LGALS3BP: variants seen among roughly 807,000 people sequenced by gnomAD.
LGALS3BP encodes the protein galectin 3 binding protein.
LGALS3BP carries 25 observed loss-of-function variants against 22.9 expected under a neutral mutation model. That is an observed-to-expected ratio of 1.09 (90% CI 0.80 to 1.53). The LOEUF (loss-of-function observed/expected upper bound fraction) is 1.53, where lower values mean the gene tolerates loss of function less well. Ranked by LOEUF, LGALS3BP falls within the 40% of genes most tolerant of loss-of-function variation. LGALS3BP has a pLI of 0.00. For synonymous variants in LGALS3BP, 335 were observed against 331.1 expected (o/e 1.01, Z -0.13); for missense variants, 718 against 752.0 (o/e 0.95, Z 0.53).
In LGALS3BP at chr17:78,976,119, GC is replaced by G. The variant is rs1166190483; in HGVS notation, c.89del (p.Gly30AlafsTer26). The G allele has an allele frequency of 8.2e-6, 13 of 1,594,048 alleles. No individual in the cohort carries two copies. In the Admixed American group the frequency reaches 2.3e-4, roughly 28 times the overall value. ...TCTCCACGCGGCCCTGGTTGGTGGC[GC>G]CCCCATCGGCCAGCCGCATGTCACC... Reference protein sequence around the residue: ...NDGDMRLADGGATNQGRVEIF... With the variant: ...NDGDMRLADGXATNQGRVEIF... On this transcript the variant is annotated frameshift_variant, in exon 3 of 6. Coordinates refer to ENST00000262776, the MANE Select transcript of LGALS3BP (RefSeq NM_005567.4). LOFTEE classifies it high-confidence loss of function. The surrounding 1 kb of genome is among the most constrained non-coding windows in gnomAD (Gnocchi z 4.6).
chr17:78,973,398 GC>G lies in LGALS3BP; in HGVS notation c.377-177del. 1 of 752,792 alleles carries G rather than the reference GC, an allele frequency of 1.3e-6. No individual in the cohort carries two copies. The highest frequency in any genetic ancestry group is 2.1e-6 in the Non-Finnish European group (1 of 485,152). 46.6% of individuals were successfully genotyped at this position (752,792 alleles called of 1,614,324 possible). A position where few individuals can be genotyped will look rare whatever the true frequency, so the allele number is the denominator to read the frequency against. ...AAGTGTCGGATTCCTGGACCCTGAG[GC>G]CCCGCCCCTTCCAGCCCTGGGGAAC... On this transcript the variant is annotated intron_variant, in intron 4 of 5. Transcript: ENST00000262776. The surrounding 1 kb of genome is among the most constrained non-coding windows in gnomAD (Gnocchi z 5.8).
Position 78,971,555 on chromosome 17 carries a change from A to G in LGALS3BP, c.*21T>C, listed in dbSNP as rs2070669838. 1.3e-6 allele frequency: 2 copies of G among 1,597,690 alleles called. No individual in the cohort carries two copies. The highest frequency in any genetic ancestry group is 1.7e-6 in the Non-Finnish European group (2 of 1,170,146). ...GGCGTCCTGGGGTTCTCCGGTTCTCACCACCCTTGGGCCACGCCGTCTAGT... is the reference window on the plus strand; with the variant it reads ...GGCGTCCTGGGGTTCTCCGGTTCTCGCCACCCTTGGGCCACGCCGTCTAGT... On this transcript the variant is annotated 3_prime_UTR_variant, in exon 6 of 6. Transcript: ENST00000262776. This position sits in a 1 kb window ranked among gnomAD's most constrained non-coding sequence, Gnocchi z 5.6.
At position 78,972,472 on chromosome 17, in the gene LGALS3BP, C is replaced by T. The variant is rs370838910; in HGVS notation, c.862G>A (p.Glu288Lys). The T allele has an allele frequency of 2.7e-5, 43 of 1,613,274 alleles. No homozygotes were observed. The South Asian group carries it at 3.0e-4, about 11-fold the overall frequency. ...CAGGCCTCGGCCTGCGTCAAGGCCT[C>T]GAAGTTCCAGGCCAGGAACTGTAGG... ...LCLQFLAWNF[E>K]ALTQAEAWPS... Residue 288 changes from glutamate (E) to lysine (K), a missense_variant, in exon 6 of 6, where the codon GAG becomes AAG. Transcript: ENST00000262776. This position sits in a 1 kb window ranked among gnomAD's most constrained non-coding sequence, Gnocchi z 5.1.
rs201507017 is a variant in LGALS3BP at position 78,977,175 on chromosome 17, A to C, written c.17T>G (p.Leu6Arg). 1.9e-6 allele frequency: 3 copies of C among 1,613,302 alleles called. No individual in the cohort carries two copies. The highest frequency in any genetic ancestry group is 2.5e-6 in the Non-Finnish European group (3 of 1,180,006). The change falls in exon 2 of 6, where the codon CTC becomes CGC. Residue 6 changes from leucine (L) to arginine (R), a missense_variant. By Grantham distance (102) the Leu-to-Arg change is moderately radical. Coordinates refer to ENST00000262776, the MANE Select transcript of LGALS3BP (RefSeq NM_005567.4). MTPPR[L>R]FWVWLLVAGT... Reference sequence around the variant, plus strand: ...TGCAACCAGCAGCCACACCCAGAAGAGCCTCGGAGGGGTCATGGCCGTGCC... The same window carrying C: ...TGCAACCAGCAGCCACACCCAGAAGCGCCTCGGAGGGGTCATGGCCGTGCC...
rs1385445745 is a variant in LGALS3BP, at chr17:78,972,124, A to G, written c.1210T>C (p.Tyr404His). The G allele has an allele frequency of 5.0e-6, 8 of 1,613,284 alleles. No individual in the cohort carries two copies. Among genetic ancestry groups the G allele is most frequent in the Non-Finnish European group, 6.8e-6 (8 of 1,179,440 alleles). ...GGCGAGGTGTAAATCCGGGGCTTGTAGGTATCCTCGGTGAGGTTCAGGCCT... is the reference window on the plus strand; with the variant it reads ...GGCGAGGTGTAAATCCGGGGCTTGTGGGTATCCTCGGTGAGGTTCAGGCCT... ...YKGLNLTEDT[Y>H]KPRIYTSPTW... The change falls in exon 6 of 6, where the codon TAC becomes CAC. Residue 404 changes from tyrosine (Y) to histidine (H), a missense_variant. Physicochemically the swap from Tyr to His is moderately conservative, Grantham distance 83 (BLOSUM62 2). Transcript: ENST00000262776. This position sits in a 1 kb window ranked among gnomAD's most constrained non-coding sequence, Gnocchi z 5.1.
intron 1 of LGALS3BP, among the ~76,000 whole-genome samples, chr17:78,978,365 C>T (rs1348531141): frequency 1.3e-5 from 2 of 152,212 alleles, no homozygotes; most frequent in Non-Finnish European, 2.9e-5. Context: ...TGCAGCCACC[C>T]CTTGTCGGGG....
Position 78,973,028 on chromosome 17 carries a change from T to C in LGALS3BP, c.571A>G (p.Ser191Gly). ...EAQALWKEPGSNVTMSVDAEC... is the reference protein window; with the variant it reads ...EAQALWKEPGGNVTMSVDAEC... Reference sequence around the variant, plus strand: ...GCATCCACACTCATGGTGACATTGCTGCCCGGCTCCTTCCACAGGGCCTGG... The same window carrying C: ...GCATCCACACTCATGGTGACATTGCCGCCCGGCTCCTTCCACAGGGCCTGG... Residue 191 changes from serine to glycine, a missense_variant, in exon 5 of 6, where the codon AGC becomes GGC. Ser to Gly is a moderately conservative substitution (Grantham distance 56). Transcript: ENST00000262776. This position sits in a 1 kb window ranked among gnomAD's most constrained non-coding sequence, Gnocchi z 5.8. The C allele has an allele frequency of 3.1e-6, 5 of 1,613,934 alleles. No homozygotes were observed. Among genetic ancestry groups the C allele is most frequent in the Non-Finnish European group, 4.2e-6 (5 of 1,179,992 alleles).
intron 3 of LGALS3BP, 119 bp downstream of exon 3, chr17:78,975,846 T>A (rs2070715513): frequency 2.3e-5 from 7 of 299,548 alleles, no homozygotes; most frequent in South Asian, 5.2e-5. Context: ...GCTAAATTAA[T>A]AGGAATCCAA....
chr17:78,973,153 C>G lies in LGALS3BP; in HGVS notation c.446G>C (p.Ser149Thr). 1 of 1,610,518 alleles carries G rather than the reference C, an allele frequency of 6.2e-7. No homozygotes were observed. The highest frequency in any genetic ancestry group is 1.1e-5 in the South Asian group (1 of 90,626). ...GATGGACAGGTCGCAGCCCCGCTGG[C>G]TGTCAAAGATCTGGCCAAGGGCCTC... ...LSEALGQIFD[S>T]QRGCDLSISV... The change falls in exon 5 of 6, where the codon AGC becomes ACC. Residue 149 changes from serine (S) to threonine (T), a missense_variant. Transcript: ENST00000262776. The surrounding 1 kb of genome is among the most constrained non-coding windows in gnomAD (Gnocchi z 5.8).
intron 2 of LGALS3BP, 38 bp downstream of exon 2, chr17:78,977,102 C>A (rs370896430): frequency 2.1e-4 from 340 of 1,610,670 alleles, no homozygotes; most frequent in Non-Finnish European, 2.6e-4. Context: ...CAGCCTTCCA[C>A]ACTTCTGCTT....
rs745877341 is a variant in LGALS3BP, at chr17:78,971,909, C to T, written c.1425G>A (p.Arg475=). The change falls in exon 6 of 6, where the codon AGG becomes AGA. Residue 475 remains arginine (R), a synonymous_variant. Coordinates refer to ENST00000262776, the MANE Select transcript of LGALS3BP (RefSeq NM_005567.4). The surrounding 1 kb of genome is among the most constrained non-coding windows in gnomAD (Gnocchi z 5.6). ...QHPSFLFQDK[R]VSWSLVYLPT... ...GGAGGTAGACCAGGGACCAGGACAC[C>T]CTCTTGTCCTGGAAGAGGAAGCTGG... 43 of 1,613,884 alleles carry T rather than the reference C, an allele frequency of 2.7e-5. No homozygotes were observed. The highest frequency in any genetic ancestry group is 3.5e-5 in the Non-Finnish European group (41 of 1,179,978).
At chr17:78,979,059 G>C (rs888366249) in intron 1 of LGALS3BP, among the ~76,000 whole-genome samples, 2 of 71,086 alleles carry the variant, frequency 2.8e-5, no homozygotes, top group Non-Finnish European at 5.9e-5. Context: ...GCAAGACTCT[G>C]TCTCAAAAAA....
intron 1 of LGALS3BP, chr17:78,977,501 G>A: frequency 2.8e-6 from 1 of 361,588 alleles, no homozygotes; most frequent in Non-Finnish European, 5.1e-6. Flanking sequence ...AAGAATTGGT[G>A]ACTAGAGGCA....
Position 78,972,659 on chromosome 17 carries a change from C to T in LGALS3BP, c.675G>A (p.Lys225=). 1 of 1,527,588 alleles carries T rather than the reference C, an allele frequency of 6.5e-7. No individual in the cohort carries two copies. The highest frequency in any genetic ancestry group is 8.8e-7 in the Non-Finnish European group (1 of 1,137,468). 94.6% of individuals were successfully genotyped at this position (1,527,588 alleles called of 1,614,324 possible). Residue 225 remains lysine (K), a synonymous_variant, in exon 6 of 6, where the codon AAG becomes AAA. Coordinates refer to ENST00000262776, the MANE Select transcript of LGALS3BP (RefSeq NM_005567.4). The surrounding 1 kb of genome is among the most constrained non-coding windows in gnomAD (Gnocchi z 5.1). Reference sequence around the variant, plus strand: ...AGGCAGAGGCCAGCTTGTGGAAGCACTTGACTGACGACAGGGTGATGTCAA... The same window carrying T: ...AGGCAGAGGCCAGCTTGTGGAAGCATTTGACTGACGACAGGGTGATGTCAA... ...RRIDITLSSV[K]CFHKLASAYG...
rs780422990 is a variant in LGALS3BP at position 78,975,984 on chromosome 17, G to A, written c.225C>T (p.Gly75=). Residue 75 remains glycine (G), a synonymous_variant, in exon 3 of 6, where the codon GGC becomes GGT. Coordinates refer to ENST00000262776, the MANE Select transcript of LGALS3BP (RefSeq NM_005567.4). ...CCCTACCTTGCCCGAAGGCAGCTCT[G>A]CCCAGAGCCTGGGTGGCGTTCTCGA... ...LGFENATQAL[G]RAAFGQGSGP... The A allele has an allele frequency of 2.5e-6, 4 of 1,610,518 alleles. No individual in the cohort carries two copies. Among genetic ancestry groups the A allele is most frequent in the Admixed American group, 1.7e-5 (1 of 59,790 alleles).
In LGALS3BP at chr17:78,972,718, A is replaced by G. The variant is rs2145822365; in HGVS notation, c.630-14T>C. On this transcript the variant is annotated splice_polypyrimidine_tract_variant and intron_variant, in intron 5 of 5. Coordinates refer to ENST00000262776, the MANE Select transcript of LGALS3BP (RefSeq NM_005567.4). This position sits in a 1 kb window ranked among gnomAD's most constrained non-coding sequence, Gnocchi z 5.1. ...GAGTAGAAGTACCTGGGGAGAAAGA[A>G]GGAGAGCAGATGCCGGCCCCACAGG... is the stretch of plus-strand genomic sequence containing the variant. The G allele has an allele frequency of 6.6e-7, 1 of 1,515,348 alleles. No homozygotes were observed. Among genetic ancestry groups the G allele is most frequent in the Non-Finnish European group, 8.8e-7 (1 of 1,132,688 alleles). 93.9% of individuals were successfully genotyped at this position (1,515,348 alleles called of 1,614,324 possible).
intron 3 of LGALS3BP, 69 bp downstream of exon 3, chr17:78,975,896 A>T: frequency 9.1e-7 from 1 of 1,096,212 alleles, no homozygotes; most frequent in South Asian, 1.7e-5. Flanking sequence ...GTCTTAGGGG[A>T]TTTGCCCCTC....
rs552499637 is a variant in LGALS3BP at position 78,973,977 on chromosome 17, G to T, written c.376+711C>A. On this transcript the variant is annotated intron_variant, in intron 4 of 5. Coordinates refer to ENST00000262776, the MANE Select transcript of LGALS3BP (RefSeq NM_005567.4). The surrounding 1 kb of genome is among the most constrained non-coding windows in gnomAD (Gnocchi z 5.8). The stretch of plus-strand genomic sequence containing the variant: ...GCGCCCATGGCCCCGTGTGCTCCCC[G>T]CCGCCTCCCCTGGCCCCCGACAGCC... Among the ~76,000 whole-genome samples the T allele has an allele frequency of 2.0e-5, 3 of 152,272 alleles. No individual in the cohort carries two copies. Among genetic ancestry groups the T allele is most frequent in the Middle Eastern group, 3.4e-3 (1 of 294 alleles).
At chr17:78,975,363 C>T (rs1303293813) in intron 3 of LGALS3BP, among the ~76,000 whole-genome samples, 1 of 152,150 alleles carries the variant, frequency 6.6e-6, no homozygotes, top group Non-Finnish European at 1.5e-5. Flanking sequence ...ATGGGATAAA[C>T]TCCCTGGAGT....
Sources: gnomAD v4.1 joint callset for allele counts (sites outside exome capture counted in the v4.1 genomes callset) on GRCh38, gnomAD v4.1.1 for gene constraint, Gnocchi (gnomAD v3.1) non-coding constraint, MANE v1.5 for transcripts, NCBI Gene and HGNC (gene_info 2026-07-23, HGNC 2026-07-21) for gene names.